Variants in BAIAP2L1 observed in about 807,000 individuals in gnomAD.
BAIAP2L1 encodes the protein BAR/IMD domain-containing adapter protein 2-like 1.
In BAIAP2L1, 35 loss-of-function variants were observed where a neutral mutation model predicts 66.3. The ratio of observed to expected loss-of-function variants is 0.53; its 90% CI spans 0.40 to 0.70. The LOEUF is 0.70. Ranked by LOEUF, BAIAP2L1 falls within the 30% of genes least tolerant of loss-of-function variation. BAIAP2L1 has a pLI of 0.00. For synonymous variants in BAIAP2L1, 269 were observed against 248.7 expected (o/e 1.08, Z -0.77); for missense variants, 622 against 656.9 (o/e 0.95, Z 0.58).
chr7:98,324,147 T>C (rs1401727352), intron 3 of BAIAP2L1, among the ~76,000 whole-genome samples: 1 of 152,224 alleles, frequency 6.6e-6, no homozygotes, highest in Admixed American at 6.5e-5. Flanking sequence ...CTGCTTCCTT[T>C]TTCCCCCGGT....
chr7:98,312,171 C>G lies in BAIAP2L1; in HGVS notation c.733G>C (p.Glu245Gln). ...GGGGTAGAGGCTGGGGTCTTTATTT[C>G]TTCGATCATATTCATGATTTTCTCT... ...VPEKIMNMIEEIKTPASTPVS... is the reference protein window; with the variant it reads ...VPEKIMNMIEQIKTPASTPVS... The change falls in exon 8 of 14, where the codon GAA (glutamate) becomes CAA (glutamine). Residue 245 changes from glutamate (E) to glutamine (Q), a missense_variant. Physicochemically the swap from Glu to Gln is conservative, Grantham distance 29 (BLOSUM62 2). Transcript: ENST00000005260. 6.2e-7 allele frequency: 1 copy of G among 1,614,010 alleles called. No homozygotes were observed. The highest frequency in any genetic ancestry group is 8.5e-7 in the Non-Finnish European group (1 of 1,179,972).
intron 1 of BAIAP2L1, among the ~76,000 whole-genome samples, chr7:98,368,769 T>C (rs1802444138): frequency 6.6e-6 from 1 of 152,144 alleles, no homozygotes; most frequent in African/African-American, 2.4e-5. Context: ...TGCCTTAAGA[T>C]GTATCCAAGT....
rs192892688 is a variant in BAIAP2L1 at position 98,310,460 on chromosome 7, C to T, written c.940G>A (p.Val314Ile). 5 of 1,598,698 alleles carry T rather than the reference C, an allele frequency of 3.1e-6. No homozygotes were observed. In the Admixed American group the frequency reaches 5.4e-5, roughly 17 times the overall value. The change falls in exon 9 of 14, where the codon GTA becomes ATA. Residue 314 changes from valine to isoleucine, a missense_variant. Physicochemically the swap from Val to Ile is conservative, Grantham distance 29 (BLOSUM62 3). Transcript: ENST00000005260. ...AATCTCTTACCTGTTGAATTATTTA[C>T]CCTTTGTGAATTCGGGGCAGCCGTG... ...PATAAPNSQR[V>I]NNSTGTSEDP...
chr7:98,334,349 C>T (rs892076321), intron 3 of BAIAP2L1, among the ~76,000 whole-genome samples: 1 of 152,134 alleles, frequency 6.6e-6, no homozygotes, highest in African/African-American at 2.4e-5. Context: ...AAAGAGCTCA[C>T]CATTTAATAT....
chr7:98,334,436 T>C (rs1240238788), intron 3 of BAIAP2L1, among the ~76,000 whole-genome samples: 1 of 152,178 alleles, frequency 6.6e-6, no homozygotes, highest in Non-Finnish European at 1.5e-5. Flanking sequence ...TTTTTTTTAA[T>C]AACTCAAAAC....
At chr7:98,387,407 T>C (rs578125928) in intron 1 of BAIAP2L1, among the ~76,000 whole-genome samples, 11 of 152,240 alleles carry the variant, frequency 7.2e-5, no homozygotes, top group African/African-American at 2.6e-4. Context: ...ACCTAACAGG[T>C]GCTCACAACA....
intron 1 of BAIAP2L1, among the ~76,000 whole-genome samples, chr7:98,394,317 T>C (rs1431344413): frequency 1.3e-5 from 2 of 152,012 alleles, no homozygotes; most frequent in Non-Finnish European, 2.9e-5. Context: ...GTTATGATAG[T>C]TTTAGAGTCT....
chr7:98,306,782 A>G (rs1311487437), intron 10 of BAIAP2L1: 1 of 455,836 alleles, frequency 2.2e-6, no homozygotes, highest in Non-Finnish European at 4.0e-6. Context: ...ATCATAGCTC[A>G]CAGCAGCCTC....
chr7:98,315,526 CCTCTT>C lies in BAIAP2L1; in HGVS notation c.568_572del (p.Lys190AlafsTer7). 6.6e-7 allele frequency: 1 copy of C among 1,524,338 alleles called. No individual in the cohort carries two copies. Among genetic ancestry groups the C allele is most frequent in the Non-Finnish European group, 8.9e-7 (1 of 1,128,924 alleles). The allele number at this position is 1,524,338 out of a possible 1,614,324, so 94.4% of individuals were successfully genotyped here. A position where few individuals can be genotyped will look rare whatever the true frequency, so the allele number is the denominator to read the frequency against. On this transcript the variant is annotated frameshift_variant, in exon 7 of 14. Coordinates refer to ENST00000005260, the MANE Select transcript of BAIAP2L1 (RefSeq NM_018842.5). LOFTEE classifies it high-confidence loss of function. ...GCTTATCAACCAGAAAGCAGAAGCG[CCTCTT>C]CTCTTCAAGCAGAGCCTCTTTGCAA...
chr7:98,372,733 G>GTTTTTTTTTTTTTTTTT, intron 1 of BAIAP2L1, among the ~76,000 whole-genome samples: 1 of 93,766 alleles, frequency 1.1e-5, no homozygotes, highest in Non-Finnish European at 2.0e-5. Flanking sequence ...ATCGATTTTG[G>GTTTTTTTTTTTTTTTTT]TTTTTTTTTT....
chr7:98,302,270 G>C (rs1264905041), intron 12 of BAIAP2L1, among the ~76,000 whole-genome samples: 1 of 152,180 alleles, frequency 6.6e-6, no homozygotes, highest in African/African-American at 2.4e-5. Context: ...CGCTGACAAT[G>C]ACACGTTTTC....
intron 2 of BAIAP2L1, among the ~76,000 whole-genome samples, chr7:98,357,699 G>C (rs1039647508): frequency 6.6e-6 from 1 of 151,756 alleles, no homozygotes; most frequent in Non-Finnish European, 1.5e-5. Context: ...CAACCTTAAA[G>C]TGTAAATGTA....
Position 98,320,275 on chromosome 7 carries a change from T to C in BAIAP2L1, c.238A>G (p.Ser80Gly). The part of the protein sequence containing the change: ...ELGHVLIEIS[S>G]THKKLNESLD... ...CTCTCGTTGAGTTTCTTGTGGGTAC[T>C]TGAAATCTCTATGAGGACATGTCCT... The change falls in exon 4 of 14, where the codon AGT becomes GGT. Residue 80 changes from serine (S) to glycine (G), a missense_variant. Ser to Gly is a moderately conservative substitution (Grantham distance 56). Transcript: ENST00000005260. The C allele has an allele frequency of 6.2e-7, 1 of 1,608,940 alleles. No individual in the cohort carries two copies. Among genetic ancestry groups the C allele is most frequent in the African/African-American group, 1.3e-5 (1 of 74,840 alleles).
At chr7:98,388,700 G>A (rs1174573565) in intron 1 of BAIAP2L1, among the ~76,000 whole-genome samples, 2 of 152,152 alleles carry the variant, frequency 1.3e-5, no homozygotes, top group Non-Finnish European at 2.9e-5. Flanking sequence ...TGGGCCAGAT[G>A]CAGTGGCTCA....
intron 3 of BAIAP2L1, among the ~76,000 whole-genome samples, chr7:98,353,322 A>ATTTATATATTT (rs1185032117): frequency 2.1e-5 from 3 of 140,020 alleles, no homozygotes; most frequent in Non-Finnish European, 3.0e-5. Flanking sequence ...GACCCCCTAA[A>ATTTATATATTT]ATATATATAA....
intron 1 of BAIAP2L1, among the ~76,000 whole-genome samples, chr7:98,378,495 C>T (rs1043146323): frequency 2.6e-5 from 4 of 152,216 alleles, no homozygotes; most frequent in African/African-American, 9.7e-5. Context: ...CCTTCCTTGA[C>T]CTCTTCCACA....
At chr7:98,348,217 GA>G (rs1306740891) in intron 3 of BAIAP2L1, among the ~76,000 whole-genome samples, 3 of 152,070 alleles carry the variant, frequency 2.0e-5, no homozygotes, top group African/African-American at 7.2e-5. Flanking sequence ...CAATGAAATA[GA>G]AAACAAAGAC....
chr7:98,301,686 C>T (rs1004086080), intron 12 of BAIAP2L1, among the ~76,000 whole-genome samples: 6 of 151,744 alleles, frequency 4.0e-5, no homozygotes, highest in East Asian at 1.9e-4. Context: ...TGCACACGCG[C>T]GTCTGTGTGT....
intron 9 of BAIAP2L1, chr7:98,309,032 A>G (rs1034964548): frequency 1.3e-5 from 2 of 151,832 alleles, no homozygotes; most frequent in Non-Finnish European, 2.9e-5. Context: ...AAGCATCTTT[A>G]ATTTAAAACA....
Sources: allele counts gnomAD v4.1 joint callset (sites outside exome capture counted in the v4.1 genomes callset), GRCh38; gene constraint gnomAD v4.1.1; transcripts MANE v1.5; gene names NCBI Gene and HGNC (gene_info 2026-07-23, HGNC 2026-07-21).